Variants in BCO2 observed in about 807,000 individuals in gnomAD.
BCO2 encodes the protein carotenoid-cleaving dioxygenase, mitochondrial.
BCO2 carries 56 observed loss-of-function variants against 65.8 expected under a neutral mutation model. The observed-to-expected ratio is 0.85, with a 90% CI of 0.69 to 1.06. The LOEUF (loss-of-function observed/expected upper bound fraction) is 1.06. Among genes scored for constraint, BCO2 ranks in the 50% least tolerant of loss-of-function variants. The probability of loss-of-function intolerance (pLI) is 0.00; values close to 1 mark genes in which losing one functional copy is unlikely to be tolerated. For synonymous variants in BCO2, 233 were observed against 242.3 expected, an observed-to-expected ratio of 0.96 and a Z score of 0.36; for missense variants, 675 against 698.5, an observed-to-expected ratio of 0.97 and a Z score of 0.38.
chr11:112,206,272 C>T (rs1867867020), intron 8 of BCO2, among the ~76,000 whole-genome samples: 1 of 150,008 alleles, frequency 6.7e-6, no homozygotes, highest in African/African-American at 2.5e-5. Context: ...CCTCACTTGC[C>T]AGAGGGTGGG....
At chr11:112,184,906 A>G (rs1454591649) in intron 2 of BCO2, among the ~76,000 whole-genome samples, 1 of 152,144 alleles carries the variant, frequency 6.6e-6, no homozygotes, top group Non-Finnish European at 1.5e-5. Flanking sequence ...CCTTTGGGGG[A>G]ATGACATATC....
chr11:112,214,005 C>T (rs1859587130), intron 9 of BCO2, 144 bp downstream of exon 9: 1 of 622,620 alleles, frequency 1.6e-6, no homozygotes, highest in East Asian at 2.9e-5. Flanking sequence ...ATCGCTTGCA[C>T]AAGAATTGCA....
chr11:112,202,084 A>C lies in BCO2; in HGVS notation c.1088A>C (p.Glu363Ala). 1 of 1,613,560 alleles carries C rather than the reference A, an allele frequency of 6.2e-7. No individual in the cohort carries two copies. Among genetic ancestry groups the C allele is most frequent in the Non-Finnish European group, 8.5e-7 (1 of 1,179,700 alleles). ...ACATTTCATCAAATCAATGCCTTTG[A>C]GGACCAGGGCTGTGTTATAATTGAT... ...FVTFHQINAF[E>A]DQGCVIIDLC... is the part of the protein sequence containing the mutation. Residue 363 changes from glutamate (E) to alanine (A), a missense_variant, in exon 8 of 12, where the codon GAG (glutamate) becomes GCG (alanine). By Grantham distance (107) the Glu-to-Ala change is moderately radical. Transcript: ENST00000357685.
chr11:112,198,961 T>A (rs1478962454), intron 5 of BCO2, among the ~76,000 whole-genome samples: 1 of 151,918 alleles, frequency 6.6e-6, no homozygotes, highest in African/African-American at 2.4e-5. Flanking sequence ...ATATAATAGC[T>A]CTTTTTTATT....
intron 6 of BCO2, chr11:112,200,391 G>A: frequency 2.5e-6 from 1 of 397,750 alleles, no homozygotes; most frequent in Non-Finnish European, 4.4e-6. Flanking sequence ...AAAGCAAGCT[G>A]AGAACATGCA....
chr11:112,200,788 G>A lies in BCO2; in HGVS notation c.1026+15G>A, dbSNP rs757043352. The A allele has an allele frequency of 1.9e-6, 3 of 1,602,596 alleles. No individual in the cohort carries two copies. Among genetic ancestry groups the A allele is most frequent in the Admixed American group, 3.6e-5 (2 of 56,138 alleles). On this transcript the variant is annotated intron_variant, in intron 7 of 11. Transcript: ENST00000357685. The stretch of plus-strand genomic sequence containing the variant: ...GCACTGGACAGGTGGAGTATTTTGA[G>A]TATATTTATCATGAAAATTGTTGGA...
At chr11:112,214,213 C>T (rs928709722) in intron 9 of BCO2, among the ~76,000 whole-genome samples, 1 of 152,022 alleles carries the variant, frequency 6.6e-6, no homozygotes, top group African/African-American at 2.4e-5. Flanking sequence ...GTGGTGCTAT[C>T]TCGGCTCACT....
intron 2 of BCO2, among the ~76,000 whole-genome samples, chr11:112,182,170 A>AGAATGGC (rs1227875594): frequency 5.3e-5 from 8 of 152,226 alleles, no homozygotes; most frequent in Non-Finnish European, 8.8e-5. Flanking sequence ...CACACCAGTT[A>AGAATGGC]GAATGGCGAT....
Position 112,213,803 on chromosome 11 carries a change from A to T in BCO2, c.1274A>T (p.Asp425Val). The T allele has an allele frequency of 6.2e-7, 1 of 1,613,380 alleles. No homozygotes were observed. Among genetic ancestry groups the T allele is most frequent in the Non-Finnish European group, 8.5e-7 (1 of 1,179,712 alleles). Reference protein sequence around the residue: ...LNVSLNAPEGDNLSPLSYTSA... With the variant: ...LNVSLNAPEGVNLSPLSYTSA... ...GTCAGTTTGAATGCCCCTGAGGGAG[A>T]CAACCTGAGTCCATTGTCCTATACT... Residue 425 changes from aspartate to valine, a missense_variant, in exon 9 of 12, where the codon GAC becomes GTC. Coordinates refer to ENST00000357685, the MANE Select transcript of BCO2 (RefSeq NM_031938.7).
chr11:112,175,754 G>A (rs1290508225), intron 1 of BCO2, 65 bp downstream of exon 1: 76 of 1,414,586 alleles, frequency 5.4e-5, no homozygotes, highest in Non-Finnish European at 7.3e-5. Flanking sequence ...TTAGAATTCT[G>A]TGCCTCTTTC....
intron 8 of BCO2, among the ~76,000 whole-genome samples, chr11:112,207,067 A>G (rs571280879): frequency 1.3e-5 from 2 of 152,338 alleles, no homozygotes; most frequent in South Asian, 2.1e-4. Context: ...TAGTTCAAAT[A>G]GTTGATCCAC....
At chr11:112,212,497 A>G (rs1421541917) in intron 8 of BCO2, among the ~76,000 whole-genome samples, 2 of 152,202 alleles carry the variant, frequency 1.3e-5, no homozygotes, top group African/African-American at 4.8e-5. Context: ...AAGACTCTAT[A>G]TAGTCATACT....
intron 9 of BCO2, among the ~76,000 whole-genome samples, chr11:112,214,504 T>G (rs959194459): frequency 3.3e-5 from 5 of 152,272 alleles, no homozygotes; most frequent in African/African-American, 1.2e-4. Context: ...ATTGTGTAGC[T>G]GTCAATGCCT....
intron 2 of BCO2, chr11:112,183,164 A>T (rs546911836): frequency 4.5e-6 from 5 of 1,105,792 alleles, no homozygotes; most frequent in African/African-American, 3.1e-5. Context: ...TGCTAACACC[A>T]CTATACATGT....
chr11:112,216,913 C>T (rs531080550), intron 11 of BCO2, among the ~76,000 whole-genome samples: 1 of 152,286 alleles, frequency 6.6e-6, no homozygotes, highest in African/African-American at 2.4e-5. Flanking sequence ...GCTCTGAGGC[C>T]TTTTAAGGGT....
intron 8 of BCO2, 99 bp downstream of exon 8, chr11:112,202,289 CT>C: frequency 1.9e-6 from 2 of 1,047,182 alleles, no homozygotes; most frequent in Non-Finnish European, 2.7e-6. Context: ...CTCTCTCTCT[CT>C]TTTTTCTTTT....
At chr11:112,194,576 C>A in intron 4 of BCO2, 77 bp from the exon 5 acceptor site, 1 of 863,810 alleles carries the variant, frequency 1.2e-6, no homozygotes, top group South Asian at 1.5e-5. Flanking sequence ...TTTTTAAAAA[C>A]ATTAGATATT....
rs1867682030 is a variant in BCO2 at position 112,199,832 on chromosome 11, G to A, written c.865+5G>A. On this transcript the variant is annotated splice_donor_5th_base_variant and intron_variant, in intron 6 of 11. Transcript: ENST00000357685. ...CTTCTTACTACCATAGCTTTGGTGA[G>A]TCCAGAGATAAGGCAAATTTCAGTG... The A allele has an allele frequency of 6.2e-7, 1 of 1,613,396 alleles. No individual in the cohort carries two copies. The highest frequency in any genetic ancestry group is 1.3e-5 in the African/African-American group (1 of 75,014).
chr11:112,176,521 G>GGA (rs1487821101), intron 1 of BCO2: 2 of 135,876 alleles, frequency 1.5e-5, no homozygotes, highest in East Asian at 4.7e-4. Flanking sequence ...GATTGGCGGG[G>GGA]GGGGGGGAAT....
Sources: gnomAD v4.1 joint callset for allele counts (sites outside exome capture counted in the v4.1 genomes callset) on GRCh38, gnomAD v4.1.1 for gene constraint, MANE v1.5 for transcripts, NCBI Gene and HGNC (gene_info 2026-07-23, HGNC 2026-07-21) for gene names.